Variants in FAU observed in about 807,000 individuals in gnomAD.
FAU encodes ubiquitin-like FUBI-ribosomal protein eS30 fusion protein.
For missense variants in FAU, 125 were observed against 173.9 expected (o/e 0.72, Z 1.58); for synonymous variants, 70 against 69.9 (o/e 1.00, Z -0.01).
chr11:65,121,403 CTA>C, intron 3 of FAU, 95 bp downstream of exon 3: 1 of 1,453,640 alleles, frequency 6.9e-7, no homozygotes, highest in East Asian at 2.3e-5. Flanking sequence ...GAGAAGTACT[CTA>C]TTACCATAGG....
chr11:65,121,929 G>A, intron 1 of FAU, 108 bp from the exon 2 acceptor site: 2 of 1,194,752 alleles, frequency 1.7e-6, no homozygotes, highest in Non-Finnish European at 2.4e-6. Flanking sequence ...GATGGTGGTC[G>A]CGGCGGCTCA....
chr11:65,121,637 A>G lies in FAU; in HGVS notation c.83T>C (p.Val28Ala). 6.2e-7 allele frequency: 1 copy of G among 1,613,954 alleles called. No homozygotes were observed. The highest frequency in any genetic ancestry group is 2.2e-5 in the East Asian group (1 of 44,882). Residue 28 changes from valine to alanine, a missense_variant, in exon 3 of 5, where the codon GTA (valine) becomes GCA (alanine). Coordinates refer to ENST00000529639, the MANE Select transcript of FAU (RefSeq NM_001997.5). ...CGGGGCAATGCCCTCCAGTGAGGCT[A>G]CATGAGCCTACAGGGAAAGATAAGG... ...QETVAQIKAHVASLEGIAPED... is the reference protein window; with the variant it reads ...QETVAQIKAHAASLEGIAPED...
At position 65,121,393 on chromosome 11, in the gene FAU, GAGA is replaced by G. The variant is rs138956029; in HGVS notation, c.220+104_220+106del. ...AGAATCACTCTGAACTGAAGACAGT[GAGA>G]AGTACTCTATTACCATAGGTGTGAC... On this transcript the variant is annotated intron_variant, in intron 3 of 4. Transcript: ENST00000529639. The G allele has an allele frequency of 1.8e-3, 2,574 of 1,399,860 alleles. 35 individuals are homozygous for G. In the African/African-American group the frequency reaches 0.031, roughly 17 times the overall value. 86.7% of individuals were successfully genotyped at this position (1,399,860 alleles called of 1,614,324 possible). A position where few individuals can be genotyped will look rare whatever the true frequency, so the allele number is the denominator to read the frequency against.
intron 4 of FAU, 33 bp downstream of exon 4, chr11:65,120,948 C>G: frequency 1.2e-6 from 2 of 1,613,586 alleles, no homozygotes; most frequent in South Asian, 2.2e-5. Flanking sequence ...GAAAAAAAGT[C>G]CTAACACCAT....
chr11:65,120,904 G>C (rs977794156), intron 4 of FAU, 77 bp downstream of exon 4: 1 of 1,610,006 alleles, frequency 6.2e-7, no homozygotes, highest in East Asian at 2.2e-5. Flanking sequence ...GGCAAACCGA[G>C]TAAGAGCCCA....
At position 65,120,652 on chromosome 11, in the gene FAU, TA is replaced by T; in HGVS notation, c.*28del. On this transcript the variant is annotated 3_prime_UTR_variant, in exon 5 of 5. Coordinates refer to ENST00000529639, the MANE Select transcript of FAU (RefSeq NM_001997.5). ...CGATGACTGAACTAAGTGGCTTTTT[TA>T]TTAGAGAAAGCCAGAATTACAAAAG... The T allele has an allele frequency of 1.2e-6, 2 of 1,612,338 alleles. No homozygotes were observed. Among genetic ancestry groups the T allele is most frequent in the East Asian group, 2.2e-5 (1 of 44,856 alleles).
intron 3 of FAU, 135 bp downstream of exon 3, chr11:65,121,365 G>C (rs1451454738): frequency 3.3e-6 from 4 of 1,225,248 alleles, no homozygotes; most frequent in African/African-American, 3.0e-5. Flanking sequence ...GATGTAAACA[G>C]GAAGAATCAC....
intron 1 of FAU, 64 bp from the exon 2 acceptor site, chr11:65,121,885 G>A (rs1948052600): frequency 2.6e-6 from 4 of 1,546,708 alleles, no homozygotes; most frequent in Non-Finnish European, 3.6e-6. Flanking sequence ...AGGAGATTTG[G>A]GAGTGGAAAG....
In FAU at chr11:65,121,549, G is replaced by A; in HGVS notation, c.171C>T (p.Cys57=). Residue 57 remains cysteine (C), a synonymous_variant, in exon 3 of 5, where the codon TGC becomes TGT. Transcript: ENST00000529639. The part of the protein sequence containing the change: ...PLEDEATLGQ[C]GVEALTTLEV... ...CCAGGGTAGTCAGGGCCTCCACCCC[G>A]CACTGGCCCAGAGTGGCCTCATCCT... The A allele has an allele frequency of 6.2e-7, 1 of 1,613,934 alleles. No individual in the cohort carries two copies. Among genetic ancestry groups the A allele is most frequent in the Non-Finnish European group, 8.5e-7 (1 of 1,180,000 alleles).
In FAU at chr11:65,121,612, C is replaced by T. The variant is rs749613135; in HGVS notation, c.108G>A (p.Pro36=). 3 of 1,613,880 alleles carry T rather than the reference C, an allele frequency of 1.9e-6. No individual in the cohort carries two copies. Among genetic ancestry groups the T allele is most frequent in the Non-Finnish European group, 2.5e-6 (3 of 1,180,038 alleles). The change falls in exon 3 of 5, where the codon CCG becomes CCA. Residue 36 remains proline (P), a synonymous_variant. Coordinates refer to ENST00000529639, the MANE Select transcript of FAU (RefSeq NM_001997.5). ...CTGCCAGGAGCACGACTTGATCTTC[C>T]GGGGCAATGCCCTCCAGTGAGGCTA... ...AHVASLEGIA[P]EDQVVLLAGA... is the part of the protein sequence containing the mutation.
In FAU at chr11:65,121,711, G is replaced by C. The variant is rs776903396; in HGVS notation, c.75+28C>G. ...CGAGAGTGAAGAGCACAAGAAAATG[G>C]AACCCAGGGCGCACCAAGCAGCCTT... is the stretch of plus-strand genomic sequence containing the variant. On this transcript the variant is annotated intron_variant, in intron 2 of 4. Coordinates refer to ENST00000529639, the MANE Select transcript of FAU (RefSeq NM_001997.5). 9 of 1,613,934 alleles carry C rather than the reference G, an allele frequency of 5.6e-6. No individual in the cohort carries two copies. The South Asian group carries it at 9.9e-5, about 18-fold the overall frequency.
chr11:65,121,131 T>A, intron 3 of FAU, 95 bp from the exon 4 acceptor site: 1 of 1,273,018 alleles, frequency 7.9e-7, no homozygotes, highest in Non-Finnish European at 1.1e-6. Context: ...AAAGAGAAGC[T>A]GCGCCCAATA....
chr11:65,121,382 C>G (rs1213817640), intron 3 of FAU, 118 bp downstream of exon 3: 1 of 1,348,554 alleles, frequency 7.4e-7, no homozygotes, highest in South Asian at 1.4e-5. Context: ...TCACTCTGAA[C>G]TGAAGACAGT....
chr11:65,121,710 G>A, intron 2 of FAU, 29 bp downstream of exon 2: 1 of 1,613,956 alleles, frequency 6.2e-7, no homozygotes, highest in Non-Finnish European at 8.5e-7. Flanking sequence ...ACAAGAAAAT[G>A]GAACCCAGGG....
intron 4 of FAU, 77 bp downstream of exon 4, chr11:65,120,904 G>GT: frequency 1.2e-6 from 2 of 1,610,006 alleles, no homozygotes; most frequent in Non-Finnish European, 1.7e-6. Context: ...GGCAAACCGA[G>GT]TAAGAGCCCA....
intron 3 of FAU, 59 bp downstream of exon 3, chr11:65,121,441 G>A (rs1948046146): frequency 1.0e-5 from 16 of 1,577,330 alleles, no homozygotes; most frequent in South Asian, 5.8e-5. Flanking sequence ...TCAGGACTAT[G>A]CACCCCACAC....
chr11:65,121,959 C>T, intron 1 of FAU, 131 bp downstream of exon 1: 1 of 822,130 alleles, frequency 1.2e-6, no homozygotes. Flanking sequence ...GGCCAGGCCT[C>T]CCAAGGAGTT....
rs188829239 is a variant in FAU, at chr11:65,121,071, G to A, written c.221-35C>T. On this transcript the variant is annotated intron_variant, in intron 3 of 4. Transcript: ENST00000529639. ...GAAAGGAAGGCACCAGCAGGTAAGA[G>A]CAAGAAGGTGCCACCCAGCAGAACC... The A allele has an allele frequency of 1.3e-4, 214 of 1,608,472 alleles. No individual in the cohort carries two copies. The Middle Eastern group carries it at 5.0e-3, about 37-fold the overall frequency.
chr11:65,121,259 G>A, intron 3 of FAU: 1 of 721,448 alleles, frequency 1.4e-6, no homozygotes, highest in Non-Finnish European at 2.2e-6. Flanking sequence ...TAATTTTAGT[G>A]TGGAAGCTGA....
Sources: gnomAD v4.1 joint callset for allele counts on GRCh38, gnomAD v4.1.1 for gene constraint, MANE v1.5 for transcripts, NCBI Gene and HGNC (gene_info 2026-07-23, HGNC 2026-07-21) for gene names.